SF3B3: variants seen among roughly 807,000 people sequenced by gnomAD.
The protein encoded by SF3B3 is splicing factor 3b subunit 3.
Under a neutral mutation model 139.2 loss-of-function variants are expected in SF3B3, and 33 were observed. The ratio of observed to expected loss-of-function variants is 0.24; its 90% CI spans 0.18 to 0.32. The LOEUF is 0.32. Ranked by LOEUF, SF3B3 falls within the 10% of genes least tolerant of loss-of-function variation. The pLI is 1.00. For synonymous variants in SF3B3, 596 were observed against 563.6 expected (o/e 1.06, Z -0.81); for missense variants, 818 against 1,509.4 (o/e 0.54, Z 7.59).
chr16:70,556,696 A>G, intron 14 of SF3B3, 190 bp from the exon 15 acceptor site: 1 of 639,338 alleles, frequency 1.6e-6, no homozygotes. Flanking sequence ...GGAGGAAAGC[A>G]TGATCTTCCC....
At chr16:70,525,534 C>T (rs912822947) in intron 1 of SF3B3, among the ~76,000 whole-genome samples, 2 of 152,150 alleles carry the variant, frequency 1.3e-5, no homozygotes, top group African/African-American at 4.8e-5. Context: ...AAGTAACTTG[C>T]GGGGAGCTGT....
At chr16:70,533,779 A>G (rs2050142932) in intron 5 of SF3B3, among the ~76,000 whole-genome samples, 1 of 152,218 alleles carries the variant, frequency 6.6e-6, no homozygotes, top group African/African-American at 2.4e-5. Flanking sequence ...GATACTGGAG[A>G]ATAAAAATAA....
chr16:70,538,270 G>A, intron 6 of SF3B3, 53 bp from the exon 7 acceptor site: 1 of 1,543,368 alleles, frequency 6.5e-7, no homozygotes, highest in Non-Finnish European at 8.9e-7. Context: ...CTGAATTCCA[G>A]AACTAAGAAG....
At chr16:70,554,212 A>T in intron 11 of SF3B3, 1 of 402,482 alleles carries the variant, frequency 2.5e-6, no homozygotes, top group East Asian at 4.5e-5. Flanking sequence ...TCACTTCTTT[A>T]GCAGATGTCT....
intron 14 of SF3B3, 130 bp from the exon 15 acceptor site, chr16:70,556,756 A>C: frequency 2.3e-5 from 19 of 817,914 alleles, no homozygotes; most frequent in Non-Finnish European, 3.2e-5. Context: ...ACTCTCTTAG[A>C]ACTCACTCCC....
intron 4 of SF3B3, among the ~76,000 whole-genome samples, chr16:70,531,392 C>G (rs996135966): frequency 3.9e-5 from 6 of 152,182 alleles, no homozygotes; most frequent in Non-Finnish European, 8.8e-5. Context: ...CAACCTCTGC[C>G]TCAGCCTCCT....
Position 70,565,471 on chromosome 16 carries a change from G to C in SF3B3, c.2773G>C (p.Val925Leu), listed in dbSNP as rs757811305. Residue 925 changes from valine (V) to leucine (L), a missense_variant, in exon 20 of 26, where the codon GTC becomes CTC. By Grantham distance (32) the Val-to-Leu change is conservative (BLOSUM62 1). Transcript: ENST00000302516. ...CCCCCGATCTGTGGCAGGGGGCTTC[G>C]TCTATACTTACAAGCTTGTGAACAA... ...LNPRSVAGGF[V>L]YTYKLVNNGE... The C allele has an allele frequency of 6.2e-7, 1 of 1,614,030 alleles. No homozygotes were observed. The highest frequency in any genetic ancestry group is 1.1e-5 in the South Asian group (1 of 91,086).
At chr16:70,548,264 A>G (rs1424919478) in intron 10 of SF3B3, 106 bp from the exon 11 acceptor site, 3 of 879,278 alleles carry the variant, frequency 3.4e-6, no homozygotes, top group South Asian at 1.4e-5. Flanking sequence ...TAAATACAGC[A>G]TACGTTGTGA....
intron 5 of SF3B3, 141 bp downstream of exon 5, chr16:70,532,761 T>C: frequency 1.3e-6 from 1 of 795,704 alleles, no homozygotes. Flanking sequence ...AGGTTAGAAG[T>C]TCATGTGGTG....
At chr16:70,530,664 C>A in intron 3 of SF3B3, 81 bp from the exon 4 acceptor site, 1 of 1,149,530 alleles carries the variant, frequency 8.7e-7, no homozygotes, top group Non-Finnish European at 1.3e-6. Flanking sequence ...AAAAGAAAAG[C>A]ATGATGTGAC....
chr16:70,569,982 C>A, intron 23 of SF3B3, 24 bp from the exon 24 acceptor site: 1 of 1,613,544 alleles, frequency 6.2e-7, no homozygotes, highest in South Asian at 1.1e-5. Context: ...TGCACACAGT[C>A]ACTAGTCTGT....
At chr16:70,526,035 A>G (rs2050060355) in intron 1 of SF3B3, among the ~76,000 whole-genome samples, 1 of 150,762 alleles carries the variant, frequency 6.6e-6, no homozygotes, top group South Asian at 2.1e-4. Context: ...ATCTCTCAGG[A>G]CCCATTTCTA....
At position 70,570,109 on chromosome 16, in the gene SF3B3, C is replaced by G. The variant is rs1419019666; in HGVS notation, c.3368C>G (p.Ser1123Cys). The G allele has an allele frequency of 1.9e-6, 3 of 1,614,124 alleles. No individual in the cohort carries two copies. Among genetic ancestry groups the G allele is most frequent in the East Asian group, 2.2e-5 (1 of 44,874 alleles). The change falls in exon 24 of 26, where the codon TCT becomes TGT. Residue 1123 changes from serine (S) to cysteine (C), a missense_variant. Ser to Cys is a moderately radical substitution (Grantham distance 112). This residue lies in a region of SF3B3 where 91 missense variants were observed against 171.8 expected (regional missense o/e 0.53). Coordinates refer to ENST00000302516, the MANE Select transcript of SF3B3 (RefSeq NM_012426.5). ...GAATCACTTGTCTATACCACCTTGT[C>G]TGGAGGAATTGGCATCCTTGTGCCA... ...GSESLVYTTL[S>C]GGIGILVPFT...
At chr16:70,550,506 A>T (rs1490028794) in intron 11 of SF3B3, 4 of 205,668 alleles carry the variant, frequency 1.9e-5, no homozygotes, top group Admixed American at 1.3e-4. Flanking sequence ...CTGTTGGTTC[A>T]CTCACTTTCC....
At chr16:70,544,255 G>T (rs933130806) in intron 9 of SF3B3, among the ~76,000 whole-genome samples, 183 bp from the exon 10 acceptor site, 7 of 152,128 alleles carry the variant, frequency 4.6e-5, no homozygotes, top group Admixed American at 2.0e-4. Flanking sequence ...AGAGAGTAAA[G>T]AATTTTCATT....
In SF3B3 at chr16:70,565,361, T is replaced by C. The variant is rs2050465828; in HGVS notation, c.2670-7T>C. On this transcript the variant is annotated splice_region_variant and splice_polypyrimidine_tract_variant and intron_variant, in intron 19 of 25. Coordinates refer to ENST00000302516, the MANE Select transcript of SF3B3 (RefSeq NM_012426.5). Reference sequence around the variant, plus strand: ...GGCCTTACTCTTGCTTCTTATTCTGTGTGTAGTGTGGCTGTGTGCAGGTTT... The same window carrying C: ...GGCCTTACTCTTGCTTCTTATTCTGCGTGTAGTGTGGCTGTGTGCAGGTTT... 5.6e-6 allele frequency: 9 copies of C among 1,614,136 alleles called. No individual in the cohort carries two copies. Among genetic ancestry groups the C allele is most frequent in the Non-Finnish European group, 7.6e-6 (9 of 1,180,014 alleles).
chr16:70,566,302 C>A (rs1345059194), intron 20 of SF3B3, among the ~76,000 whole-genome samples: 2 of 152,008 alleles, frequency 1.3e-5, no homozygotes, highest in Non-Finnish European at 2.9e-5. Context: ...GTGTCTCACG[C>A]CTGTAATCCC....
chr16:70,530,958 T>C, intron 4 of SF3B3, 41 bp downstream of exon 4: 6 of 1,548,506 alleles, frequency 3.9e-6, no homozygotes, highest in Non-Finnish European at 5.3e-6. Flanking sequence ...TTCAGTCACC[T>C]CAGTGTTTTT....
At chr16:70,533,692 TGGG>T (rs2050141817) in intron 5 of SF3B3, among the ~76,000 whole-genome samples, 1 of 152,246 alleles carries the variant, frequency 6.6e-6, no homozygotes, top group Non-Finnish European at 1.5e-5. Context: ...TCAGCAGGCT[TGGG>T]GAAAACTGAT....
Sources: gnomAD v4.1 joint callset for allele counts (sites outside exome capture counted in the v4.1 genomes callset) on GRCh38, gnomAD v4.1.1 for gene constraint, gnomAD v4.1.1 regional missense constraint, MANE v1.5 for transcripts, NCBI Gene and HGNC (gene_info 2026-07-23, HGNC 2026-07-21) for gene names.